AFF2: variants seen among roughly 807,000 people sequenced by gnomAD.
AFF2 encodes ALF transcription elongation factor 2.
A neutral mutation model predicts 76.9 loss-of-function variants in AFF2; 14 were observed. That is an observed-to-expected ratio of 0.18 (90% CI 0.12 to 0.28). The LOEUF (loss-of-function observed/expected upper bound fraction) is 0.28. AFF2 is among the 10% of genes least tolerant of loss of function. The pLI, the probability that AFF2 is intolerant of heterozygous loss-of-function variation, is 1.00. For missense variants in AFF2, 868 were observed against 1,001.1 expected (o/e 0.87, Z 1.79); for synonymous variants, 398 against 366.7 (o/e 1.09, Z -0.98).
chrX:148,734,236 A>G (rs2055259770), intron 3 of AFF2, among the ~76,000 whole-genome samples: 1 of 111,995 alleles, frequency 8.9e-6, no homozygotes, highest in South Asian at 3.8e-4. Flanking sequence ...TGGATGCAGT[A>G]GCCGGCGAGG....
At chrX:148,902,636 C>G (rs782131567) in intron 8 of AFF2, among the ~76,000 whole-genome samples, 1 of 111,799 alleles carries the variant, frequency 8.9e-6, no homozygotes, top group South Asian at 3.8e-4. Flanking sequence ...ATCCTCTGTA[C>G]ATGGACTGCA....
At chrX:148,642,737 G>A (rs782411536) in intron 1 of AFF2, among the ~76,000 whole-genome samples, 14 of 112,204 alleles carry the variant, frequency 1.2e-4, no homozygotes, top group South Asian at 1.1e-3. Flanking sequence ...CCTCACTAGG[G>A]CAGGCAGGCC....
chrX:148,709,878 A>G (rs1393903844), intron 3 of AFF2, among the ~76,000 whole-genome samples: 1 of 112,153 alleles, frequency 8.9e-6, no homozygotes, highest in Non-Finnish European at 1.9e-5. Context: ...TTTTAAGATA[A>G]ACTCTCTTTA....
intron 9 of AFF2, among the ~76,000 whole-genome samples, chrX:148,950,672 G>A (rs1031088353): frequency 1.8e-5 from 2 of 112,130 alleles, no homozygotes; most frequent in Non-Finnish European, 3.8e-5. Context: ...TGAGAACACA[G>A]AAACAGATTT....
At chrX:148,783,031 G>T (rs782183668) in intron 3 of AFF2, among the ~76,000 whole-genome samples, 1 of 112,000 alleles carries the variant, frequency 8.9e-6, no homozygotes, top group Non-Finnish European at 1.9e-5. Flanking sequence ...CCTTGCTCCA[G>T]CCTTCATTTC....
At chrX:148,815,037 A>G (rs1156357457) in intron 4 of AFF2, among the ~76,000 whole-genome samples, 2 of 112,028 alleles carry the variant, frequency 1.8e-5, no homozygotes, top group Non-Finnish European at 3.8e-5. Context: ...GGATTCATGC[A>G]AACGATTTTC....
At chrX:148,945,993 A>C (rs958438634) in intron 9 of AFF2, among the ~76,000 whole-genome samples, 1 of 112,332 alleles carries the variant, frequency 8.9e-6, no homozygotes, top group Non-Finnish European at 1.9e-5. Context: ...GAGTCTGGTC[A>C]ATCTACAGAA....
chrX:148,582,108 G>A (rs2053422032), intron 1 of AFF2, among the ~76,000 whole-genome samples: 2 of 111,458 alleles, frequency 1.8e-5, no homozygotes, highest in Admixed American at 9.6e-5. Context: ...GTTTTCTAGT[G>A]ATTAGAGTCG....
chrX:148,868,701 C>A, intron 7 of AFF2, among the ~76,000 whole-genome samples: 1 of 112,457 alleles, frequency 8.9e-6, no homozygotes, highest in Non-Finnish European at 1.9e-5. Context: ...CTTCACAGTT[C>A]TGGAGGCTGG....
At chrX:148,845,977 T>C (rs185371275) in intron 7 of AFF2, among the ~76,000 whole-genome samples, 2 of 112,159 alleles carry the variant, frequency 1.8e-5, no homozygotes, top group East Asian at 5.6e-4. Context: ...AGATCTTCCA[T>C]TGGAGTATGC....
chrX:148,744,440 T>C (rs1243450732), intron 3 of AFF2, among the ~76,000 whole-genome samples: 1 of 112,237 alleles, frequency 8.9e-6, no homozygotes, highest in Non-Finnish European at 1.9e-5. Context: ...CAACTACTAA[T>C]GTTTTGGTTT....
At chrX:148,732,494 G>A (rs1165017353) in intron 3 of AFF2, among the ~76,000 whole-genome samples, 1 of 91,266 alleles carries the variant, frequency 1.1e-5, no homozygotes, top group Non-Finnish European at 2.1e-5. Context: ...GTTAGTGGGT[G>A]CAGCGCACCA....
intron 3 of AFF2, among the ~76,000 whole-genome samples, chrX:148,669,422 C>T (rs1327320339): frequency 2.7e-5 from 3 of 111,547 alleles, no homozygotes; most frequent in East Asian, 2.8e-4. Flanking sequence ...TTCATGCTGC[C>T]GATAAAGACA....
chrX:148,936,100 G>A (rs782279628), intron 9 of AFF2, among the ~76,000 whole-genome samples: 1 of 111,087 alleles, frequency 9.0e-6, no homozygotes, highest in East Asian at 2.8e-4. Context: ...CATAAGGTCT[G>A]TAGGGCAGCT....
In AFF2 at chrX:148,662,691, A is replaced by G. The variant is rs1381757485; in HGVS notation, c.964A>G (p.Thr322Ala). ...CAGCTTTGGGAATCTGTCATTTGGA[A>G]CACTCTTGGATGGAAAACCCAGTGC... ...ENSFGNLSFG[T>A]LLDGKPSAAS... is the part of the protein sequence containing the mutation. Residue 322 changes from threonine (T) to alanine (A), a missense_variant, in exon 3 of 21, where the codon ACA (threonine) becomes GCA (alanine). Thr to Ala is a moderately conservative substitution (Grantham distance 58, BLOSUM62 0). Coordinates refer to ENST00000370460, the MANE Select transcript of AFF2 (RefSeq NM_002025.4). 1 of 1,212,231 alleles carries G rather than the reference A, an allele frequency of 8.2e-7. No individual in the cohort carries two copies.
chrX:148,970,613 A>G (rs1256357064), intron 15 of AFF2, among the ~76,000 whole-genome samples: 3 of 112,305 alleles, frequency 2.7e-5, no homozygotes, highest in Non-Finnish European at 3.8e-5. Context: ...TGTCTAAGTC[A>G]GTTTAATCAT....
intron 4 of AFF2, among the ~76,000 whole-genome samples, chrX:148,823,711 T>G (rs2070353923): frequency 8.9e-6 from 1 of 112,273 alleles, no homozygotes; most frequent in Non-Finnish European, 1.9e-5. Flanking sequence ...CTCCTGAGTC[T>G]TATATACAAT....
chrX:148,910,009 T>G (rs911303397), intron 9 of AFF2, among the ~76,000 whole-genome samples: 1 of 112,705 alleles, frequency 8.9e-6, no homozygotes, highest in African/African-American at 3.2e-5. Flanking sequence ...CATGCACTAA[T>G]AAGTTGAGTT....
At chrX:148,546,365 T>C in intron 1 of AFF2, among the ~76,000 whole-genome samples, 1 of 111,859 alleles carries the variant, frequency 8.9e-6, no homozygotes, top group Non-Finnish European at 1.9e-5. Flanking sequence ...ACCTCATGAC[T>C]TACTCTTTCA....
Sources: gnomAD v4.1 joint callset for allele counts (sites outside exome capture counted in the v4.1 genomes callset) on GRCh38, gnomAD v4.1.1 for gene constraint, MANE v1.5 for transcripts, NCBI Gene and HGNC (gene_info 2026-07-23, HGNC 2026-07-21) for gene names.